Variants in TMIGD3 observed in about 807,000 individuals in gnomAD.
TMIGD3 encodes AD026 protein (AD026).
Under a neutral mutation model 28.1 loss-of-function variants are expected in TMIGD3, and 21 were observed. The ratio of observed to expected loss-of-function variants is 0.75; its 90% CI spans 0.53 to 1.08. The LOEUF is 1.08. TMIGD3 is among the 50% of genes least tolerant of loss of function. TMIGD3 has a pLI of 0.00. For synonymous variants in TMIGD3, 151 were observed against 162.1 expected (o/e 0.93, Z 0.52); for missense variants, 416 against 435.6 (o/e 0.96, Z 0.40).
At chr1:111,545,561 C>T (rs74825857) in intron 1 of TMIGD3, among the ~76,000 whole-genome samples, 2,727 of 152,164 alleles carry the variant, frequency 0.018, 69 homozygotes, top group African/African-American at 0.062. Flanking sequence ...TATTTTCCCC[C>T]GTTCTCTGGT....
intron 1 of TMIGD3, chr1:111,500,649 T>G: frequency 1.7e-6 from 2 of 1,182,788 alleles, no homozygotes; most frequent in Non-Finnish European, 2.4e-6. Flanking sequence ...AGAGGTGAGA[T>G]AAGGCATATA....
Position 111,503,350 on chromosome 1 carries a change from G to A in TMIGD3, c.5C>T (p.Pro2Leu), listed in dbSNP as rs754984436. Residue 2 changes from proline (P) to leucine (L), a missense_variant, in exon 1 of 6, where the codon CCC becomes CTC. Coordinates refer to ENST00000369716, the MANE Select transcript of TMIGD3 (RefSeq NM_020683.7). M[P>L]NNSTALSLAN... is the part of the protein sequence containing the mutation. Reference sequence around the variant, plus strand: ...CAATGACAGAGCAGTGCTGTTGTTGGGCATCTTGCCTTCCCAGGGGAACCT... The same window carrying A: ...CAATGACAGAGCAGTGCTGTTGTTGAGCATCTTGCCTTCCCAGGGGAACCT... 6.2e-7 allele frequency: 1 copy of A among 1,607,342 alleles called. No individual in the cohort carries two copies. The highest frequency in any genetic ancestry group is 8.5e-7 in the Non-Finnish European group (1 of 1,175,382).
At chr1:111,515,723 C>T (rs2100998357) in intron 1 of TMIGD3, among the ~76,000 whole-genome samples, 1 of 152,324 alleles carries the variant, frequency 6.6e-6, no homozygotes, top group South Asian at 2.1e-4. Flanking sequence ...GTCGCAGTGG[C>T]GTCGGCTCTT....
intron 1 of TMIGD3, among the ~76,000 whole-genome samples, chr1:111,528,518 T>C (rs1013045034): frequency 6.6e-6 from 1 of 152,172 alleles, no homozygotes; most frequent in African/African-American, 2.4e-5. Context: ...TCCGTATAAA[T>C]TTTGGAATCA....
intron 1 of TMIGD3, among the ~76,000 whole-genome samples, chr1:111,510,032 C>G (rs1655638735): frequency 6.6e-6 from 1 of 152,222 alleles, no homozygotes; most frequent in South Asian, 2.1e-4. Flanking sequence ...ACCCAAATTG[C>G]CATTTTGGGC....
intron 1 of TMIGD3, among the ~76,000 whole-genome samples, chr1:111,494,611 A>T (rs1343547994): frequency 6.6e-6 from 1 of 152,236 alleles, no homozygotes; most frequent in Non-Finnish European, 1.5e-5. Flanking sequence ...GACCAAAGCA[A>T]TTTACAGATT....
At position 111,503,155 on chromosome 1, in the gene TMIGD3, G is replaced by T. The variant is rs780270707; in HGVS notation, c.200C>A (p.Pro67His). ...GCCCAGGCTGACAACAATGGCCAAA[G>T]GCATGACCAGCACCCCAACAGCAAT... Reference protein sequence around the residue: ...ADIAVGVLVMPLAIVVSLGIT... With the variant: ...ADIAVGVLVMHLAIVVSLGIT... Residue 67 changes from proline (P) to histidine (H), a missense_variant, in exon 1 of 6, where the codon CCT (proline) becomes CAT (histidine). Physicochemically the swap from Pro to His is moderately conservative, Grantham distance 77 (BLOSUM62 -2). Transcript: ENST00000369716. The T allele has an allele frequency of 1.2e-6, 2 of 1,614,244 alleles. No homozygotes were observed. The highest frequency in any genetic ancestry group is 3.3e-5 in the Admixed American group (2 of 60,030).
chr1:111,551,829 C>T, intron 1 of TMIGD3, among the ~76,000 whole-genome samples: 1 of 151,456 alleles, frequency 6.6e-6, no homozygotes, highest in Non-Finnish European at 1.5e-5. Flanking sequence ...GCCTTCAGCA[C>T]TCAGCCGAGC....
chr1:111,491,293 G>C (rs1478073896), intron 1 of TMIGD3, among the ~76,000 whole-genome samples: 2 of 152,254 alleles, frequency 1.3e-5, no homozygotes, highest in Non-Finnish European at 2.9e-5. Flanking sequence ...TGGAAGTGTG[G>C]GTGGCCGCAG....
At chr1:111,521,427 C>T (rs553836061) in intron 1 of TMIGD3, among the ~76,000 whole-genome samples, 1 of 152,146 alleles carries the variant, frequency 6.6e-6, no homozygotes, top group Non-Finnish European at 1.5e-5. Flanking sequence ...CACATACATC[C>T]TCACCTGTGC....
rs1483884240 is a variant in TMIGD3 at position 111,516,020 on chromosome 1, G to A, written c.108-25258C>T. On this transcript the variant is annotated intron_variant, in intron 1 of 5. Transcript: ENST00000369717. ...TCCTGCTGAAGGACTCATCTGAGGC[G>A]AGTCTCTAGGAGGCTGGGCGTCCTC... Among the ~76,000 whole-genome samples the A allele has an allele frequency of 6.6e-5, 10 of 152,348 alleles. No homozygotes were observed. The East Asian group carries it at 1.2e-3, about 18-fold the overall frequency.
At chr1:111,551,738 G>C (rs769552850) in intron 1 of TMIGD3, among the ~76,000 whole-genome samples, 1 of 138,482 alleles carries the variant, frequency 7.2e-6, no homozygotes, top group Non-Finnish European at 1.5e-5. Flanking sequence ...TTTGTTTTGT[G>C]GTTTTTGGTT....
chr1:111,551,101 C>T (rs759903032), intron 1 of TMIGD3, among the ~76,000 whole-genome samples: 1 of 152,128 alleles, frequency 6.6e-6, no homozygotes, highest in South Asian at 2.1e-4. Context: ...TTTTCTCATT[C>T]TTTTACTTTC....
intron 1 of TMIGD3, among the ~76,000 whole-genome samples, chr1:111,493,691 T>C (rs75010537): frequency 1.3e-5 from 2 of 152,332 alleles, no homozygotes; most frequent in Non-Finnish European, 2.9e-5. Context: ...CAGGTATTAT[T>C]AATCTGATCT....
chr1:111,538,305 A>G (rs551388559), intron 1 of TMIGD3, among the ~76,000 whole-genome samples: 1 of 152,320 alleles, frequency 6.6e-6, no homozygotes, highest in East Asian at 1.9e-4. Flanking sequence ...CATACAGGGA[A>G]GGGGCATTTG....
At chr1:111,505,103 T>A (rs989952233), upstream of TMIGD3, 1 of 779,898 alleles carries the variant, frequency 1.3e-6, no homozygotes, top group African/African-American at 2.0e-5. Context: ...CAAGAGAAAT[T>A]TCTAGGAGGC....
intron 1 of TMIGD3, among the ~76,000 whole-genome samples, chr1:111,493,717 T>C (rs1259677476): frequency 6.6e-6 from 1 of 152,168 alleles, no homozygotes; most frequent in Non-Finnish European, 1.5e-5. Flanking sequence ...ATGAAGAAAA[T>C]TGAGGCTCAG....
intron 1 of TMIGD3, among the ~76,000 whole-genome samples, chr1:111,525,491 C>G: frequency 6.6e-6 from 1 of 152,174 alleles, no homozygotes; most frequent in East Asian, 1.9e-4. Context: ...ACCTCTGCAA[C>G]TTTCTGTTGA....
At chr1:111,494,392 A>G (rs1284438856) in intron 1 of TMIGD3, among the ~76,000 whole-genome samples, 1 of 152,258 alleles carries the variant, frequency 6.6e-6, no homozygotes, top group Non-Finnish European at 1.5e-5. Context: ...ATGTGTAAAA[A>G]TCACTAGCAT....
Sources: gnomAD v4.1 joint callset for allele counts (sites outside exome capture counted in the v4.1 genomes callset) on GRCh38, gnomAD v4.1.1 for gene constraint, MANE v1.5 for transcripts, NCBI Gene and HGNC (gene_info 2026-07-23, HGNC 2026-07-21) for gene names.